Variants in TXNRD1 observed in about 807,000 individuals in gnomAD.
TXNRD1 encodes thioredoxin reductase 1.
In TXNRD1, 57 loss-of-function variants were observed where a neutral mutation model predicts 80.3. The observed-to-expected ratio is 0.71, with a 90% CI of 0.57 to 0.89. The LOEUF is 0.89. TXNRD1 is among the 40% of genes least tolerant of loss of function. The pLI, the probability that TXNRD1 is intolerant of heterozygous loss-of-function variation, is 0.00. For missense variants in TXNRD1, 730 were observed against 803.0 expected, an observed-to-expected ratio of 0.91 and a Z score of 1.10; for synonymous variants, 291 against 285.2, an observed-to-expected ratio of 1.02 and a Z score of -0.20.
At chr12:104,275,373 G>A (rs915681875) in intron 3 of TXNRD1, among the ~76,000 whole-genome samples, 22 of 152,052 alleles carry the variant, frequency 1.4e-4, no homozygotes, top group African/African-American at 5.1e-4. Context: ...GGCATGCTTA[G>A]CCACAGACTG....
At chr12:104,326,085 G>A (rs1487531675) in intron 11 of TXNRD1, among the ~76,000 whole-genome samples, 1 of 152,098 alleles carries the variant, frequency 6.6e-6, no homozygotes, top group Non-Finnish European at 1.5e-5. Context: ...TTTAAACTTG[G>A]ATAGGTTTAT....
intron 1 of TXNRD1, among the ~76,000 whole-genome samples, chr12:104,218,189 C>G (rs2032264501): frequency 6.6e-6 from 1 of 152,026 alleles, no homozygotes; most frequent in African/African-American, 2.4e-5. Flanking sequence ...CCATGCCCAG[C>G]TAATCTTTGT....
At chr12:104,269,021 C>T (rs1049004591) in intron 3 of TXNRD1, among the ~76,000 whole-genome samples, 1 of 150,710 alleles carries the variant, frequency 6.6e-6, no homozygotes, top group African/African-American at 2.4e-5. Flanking sequence ...TCTCCTGCCT[C>T]AGCCTACTGG....
intron 1 of TXNRD1, among the ~76,000 whole-genome samples, chr12:104,242,904 T>G (rs1017114744): frequency 3.3e-5 from 5 of 152,182 alleles, no homozygotes; most frequent in African/African-American, 1.2e-4. Flanking sequence ...ATTCTCAGGC[T>G]CACGCAGCCA....
rs374154232 is a variant in TXNRD1 at position 104,348,400 on chromosome 12, C to T, written c.1929C>T (p.Leu643=). ...CCAAGCGCTCTGGGGCAAGCATCCT[C>T]CAGGCTGGCTGCTGAGGTTAAGCCC... ...SVTKRSGASI[L]QAGCUG The change falls in exon 17 of 17, where the codon CTC becomes CTT. Residue 643 remains leucine (L), a synonymous_variant. Coordinates refer to ENST00000525566, the MANE Select transcript of TXNRD1 (RefSeq NM_001093771.3). 288 of 1,613,912 alleles carry T rather than the reference C, an allele frequency of 1.8e-4. No individual in the cohort carries two copies. Among genetic ancestry groups the T allele is most frequent in the Non-Finnish European group, 1.9e-4 (219 of 1,179,900 alleles).
At chr12:104,269,022 A>T (rs989150904) in intron 3 of TXNRD1, among the ~76,000 whole-genome samples, 2 of 148,050 alleles carry the variant, frequency 1.4e-5, no homozygotes, top group African/African-American at 5.0e-5. Context: ...CTCCTGCCTC[A>T]GCCTACTGGG....
At chr12:104,302,346 T>A (rs1340799024) in intron 4 of TXNRD1, among the ~76,000 whole-genome samples, 2 of 151,692 alleles carry the variant, frequency 1.3e-5, no homozygotes, top group Admixed American at 1.3e-4. Flanking sequence ...TTCCTGGTGC[T>A]ATGAAACTGG....
chr12:104,306,289 AG>A (rs2034912232), intron 4 of TXNRD1, among the ~76,000 whole-genome samples: 1 of 152,224 alleles, frequency 6.6e-6, no homozygotes, highest in South Asian at 2.1e-4. Flanking sequence ...CTTAGTGTAA[AG>A]CCATAAAGGC....
chr12:104,305,115 G>A (rs1368030603), intron 4 of TXNRD1: 5 of 600,764 alleles, frequency 8.3e-6, no homozygotes, highest in Non-Finnish European at 1.3e-5. Flanking sequence ...ATGATCTTCT[G>A]TTATTAAAAC....
intron 3 of TXNRD1, among the ~76,000 whole-genome samples, chr12:104,261,267 G>A (rs370061270): frequency 6.6e-6 from 1 of 151,910 alleles, no homozygotes; most frequent in African/African-American, 2.4e-5. Flanking sequence ...GGGTTCGAGC[G>A]ATTCTCCTGC....
rs190737654 is a variant in TXNRD1, at chr12:104,338,757, T to C, written c.1747-382T>C. Among the ~76,000 whole-genome samples the C allele has an allele frequency of 5.6e-3, 843 of 151,818 alleles. 12 individuals are homozygous for C. The highest frequency in any genetic ancestry group is 0.019 in the African/African-American group (784 of 41,450). On this transcript the variant is annotated intron_variant, in intron 15 of 16. Transcript: ENST00000525566. The stretch of plus-strand genomic sequence containing the variant: ...TTTGAGATGGAGTCTCGCTCTGTCG[T>C]CTAGGCTGGAGTGCAGTGGCACGAT...
intron 1 of TXNRD1, 52 bp downstream of exon 1, chr12:104,215,945 C>T: frequency 6.7e-7 from 1 of 1,484,790 alleles, no homozygotes; most frequent in Non-Finnish European, 9.2e-7. Flanking sequence ...CGAAGCGGGC[C>T]TTCCGGCCGG....
intron 2 of TXNRD1, among the ~76,000 whole-genome samples, chr12:104,252,295 G>A (rs2033136474): frequency 6.6e-6 from 1 of 151,944 alleles, no homozygotes; most frequent in African/African-American, 2.4e-5. Flanking sequence ...CATAAGGAAT[G>A]GTTACTTAGG....
At chr12:104,313,159 TA>T (rs968663870) in intron 5 of TXNRD1, 85 bp from the exon 6 acceptor site, 620 of 1,070,836 alleles carry the variant, frequency 5.8e-4, no homozygotes, top group Non-Finnish European at 6.8e-4. Context: ...CTCTATAGCT[TA>T]AAAAAAAATC....
At chr12:104,237,041 G>T (rs534632024) in intron 1 of TXNRD1, among the ~76,000 whole-genome samples, 1 of 151,986 alleles carries the variant, frequency 6.6e-6, no homozygotes, top group Non-Finnish European at 1.5e-5. Flanking sequence ...GTTCTGGGGG[G>T]GTTGGGAGGG....
intron 4 of TXNRD1, among the ~76,000 whole-genome samples, chr12:104,303,422 A>C (rs896545584): frequency 1.3e-5 from 2 of 152,228 alleles, no homozygotes; most frequent in African/African-American, 4.8e-5. Flanking sequence ...GGTCGACCTC[A>C]CTGCAGTATA....
At chr12:104,246,022 A>T (rs1593702046) in intron 1 of TXNRD1, among the ~76,000 whole-genome samples, 1 of 149,640 alleles carries the variant, frequency 6.7e-6, no homozygotes, top group African/African-American at 2.5e-5. Flanking sequence ...TCAAGGCAGG[A>T]GAATGGCGTG....
At chr12:104,308,188 G>T (rs1264648764) in intron 4 of TXNRD1, among the ~76,000 whole-genome samples, 1 of 151,964 alleles carries the variant, frequency 6.6e-6, no homozygotes, top group African/African-American at 2.4e-5. Flanking sequence ...GTAGAGACGG[G>T]GTTTCACCGT....
intron 16 of TXNRD1, among the ~76,000 whole-genome samples, chr12:104,343,758 G>A (rs2036401239): frequency 1.3e-5 from 2 of 151,744 alleles, no homozygotes; most frequent in South Asian, 2.1e-4. Context: ...CCAAGATCAC[G>A]CCACTGCACT....
Sources: allele counts gnomAD v4.1 joint callset (sites outside exome capture counted in the v4.1 genomes callset), GRCh38; gene constraint gnomAD v4.1.1; transcripts MANE v1.5; gene names NCBI Gene and HGNC (gene_info 2026-07-23, HGNC 2026-07-21).